RUBCNL: variants seen among roughly 807,000 people sequenced by gnomAD.
The protein encoded by RUBCNL is protein associated with UVRAG as autophagy enhancer.
Under a neutral mutation model 69.5 loss-of-function variants are expected in RUBCNL, and 62 were observed. The ratio of observed to expected loss-of-function variants is 0.89; its 90% CI spans 0.73 to 1.10. RUBCNL has a LOEUF of 1.10. Among genes scored for constraint, RUBCNL ranks in the 50% least tolerant of loss-of-function variants. RUBCNL has a pLI of 0.00. For missense variants in RUBCNL, 768 were observed against 798.1 expected (o/e 0.96, Z 0.45); for synonymous variants, 291 against 303.6 (o/e 0.96, Z 0.43).
At chr13:46,370,380 C>A (rs2048851669) in intron 3 of RUBCNL, among the ~76,000 whole-genome samples, 1 of 152,142 alleles carries the variant, frequency 6.6e-6, no homozygotes, top group Non-Finnish European at 1.5e-5. Context: ...AAAAGAAAAC[C>A]CTTTTGCCGC....
At position 46,337,160 on chromosome 13, in the gene RUBCNL, G is replaced by C. The variant is rs1360726824; in HGVS notation, c.*6225C>G. On this transcript the variant is annotated 3_prime_UTR_variant, in exon 15 of 15. Transcript: ENST00000429979. ...TTTTTCTTTTTTTGGGGGCAGGGAG[G>C]GGGGACCAAGTCTCACTCTGTTGTC... 1.3e-5 allele frequency among the ~76,000 whole-genome samples: 2 copies of C among 151,614 alleles called. No individual in the cohort carries two copies. The highest frequency in any genetic ancestry group is 2.9e-5 in the Non-Finnish European group (2 of 67,856).
intron 2 of RUBCNL, among the ~76,000 whole-genome samples, chr13:46,377,278 T>C (rs1301041985): frequency 6.6e-6 from 1 of 152,240 alleles, no homozygotes; most frequent in Non-Finnish European, 1.5e-5. Flanking sequence ...CATTTTGTTT[T>C]CTTTGAGACA....
rs754582286 is a variant in RUBCNL at position 46,372,124 on chromosome 13, G to A, written c.352C>T (p.His118Tyr). The change falls in exon 3 of 15, where the codon CAT becomes TAT. Residue 118 changes from histidine to tyrosine, a missense_variant. His to Tyr is a moderately conservative substitution (Grantham distance 83). Coordinates refer to ENST00000429979, the MANE Select transcript of RUBCNL (RefSeq NM_025113.5). The part of the protein sequence containing the change: ...TTDSVGSASP[H>Y]GSSEKSSSFS... ...CTGCTACTCTTTTCACTCGAGCCAT[G>A]GGGAGAAGCGCTGCCAACGGAGTCT... The A allele has an allele frequency of 4.1e-5, 66 of 1,613,974 alleles. 1 individual carries two copies. In the South Asian group the frequency reaches 5.4e-4, roughly 13 times the overall value.
intron 2 of RUBCNL, among the ~76,000 whole-genome samples, chr13:46,377,568 C>CA (rs1213100631): frequency 6.6e-6 from 1 of 152,160 alleles, no homozygotes; most frequent in Non-Finnish European, 1.5e-5. Context: ...TGGCTGATCC[C>CA]AGTGTTTTTT....
At position 46,337,715 on chromosome 13, in the gene RUBCNL, T is replaced by C. The variant is rs1594122360; in HGVS notation, c.*5670A>G. ...CCTGGACAACAGGTATCAGGACATC[T>C]TATGTTAGTCAGAGTAGGGTGGGTT... On this transcript the variant is annotated 3_prime_UTR_variant, in exon 15 of 15. Transcript: ENST00000429979. Among the ~76,000 whole-genome samples, 4 of 152,178 alleles carry C rather than the reference T, an allele frequency of 2.6e-5. No homozygotes were observed. The East Asian group carries it at 7.7e-4, about 29-fold the overall frequency.
intron 1 of RUBCNL, among the ~76,000 whole-genome samples, chr13:46,380,424 T>C (rs1428969777): frequency 1.3e-5 from 2 of 152,146 alleles, no homozygotes; most frequent in African/African-American, 4.8e-5. Flanking sequence ...GTCTCGCCAT[T>C]AGTAATTAGC....
At chr13:46,362,961 T>TATAG (rs1555253838) in intron 6 of RUBCNL, among the ~76,000 whole-genome samples, 154 bp downstream of exon 6, 2 of 125,570 alleles carry the variant, frequency 1.6e-5, no homozygotes, top group East Asian at 2.4e-4. Flanking sequence ...TATATATATA[T>TATAG]ATATATATAT....
At chr13:46,357,940 T>C (rs1251944639) in intron 9 of RUBCNL, among the ~76,000 whole-genome samples, 1 of 152,190 alleles carries the variant, frequency 6.6e-6, no homozygotes, top group East Asian at 1.9e-4. Context: ...CTGAGGGATT[T>C]TCTATTGAAC....
At chr13:46,380,656 T>C (rs1337200712) in intron 1 of RUBCNL, among the ~76,000 whole-genome samples, 3 of 152,196 alleles carry the variant, frequency 2.0e-5, no homozygotes, top group South Asian at 4.1e-4. Context: ...ATTTTATTAT[T>C]ATTCATACTT....
chr13:46,335,242 T>TTTTTTGTTGTTG lies in RUBCNL; in HGVS notation c.*8142_*8143insCAACAACAAAAA, dbSNP rs1555333093. Among the ~76,000 whole-genome samples, 47 of 142,096 alleles carry TTTTTTGTTGTTG rather than the reference T, an allele frequency of 3.3e-4. No individual in the cohort carries two copies. The highest frequency in any genetic ancestry group is 5.2e-4 in the Non-Finnish European group (35 of 66,740). The allele number at this position is 142,096 out of a possible 152,430, so 93.2% of individuals were successfully genotyped here. The stretch of plus-strand genomic sequence containing the variant: ...ATTGTGCCCAGCTAATTTGTGTCTT[T>TTTTTTGTTGTTG]TTGTTGTTGTTGTTGTTGTTTTTTT... On this transcript the variant is annotated 3_prime_UTR_variant, in exon 15 of 15. Coordinates refer to ENST00000429979, the MANE Select transcript of RUBCNL (RefSeq NM_025113.5).
Position 46,337,030 on chromosome 13 carries a change from T to C in RUBCNL, c.*6355A>G, listed in dbSNP as rs1286936565. Among the ~76,000 whole-genome samples the C allele has an allele frequency of 6.6e-6, 1 of 151,950 alleles. No homozygotes were observed. The highest frequency in any genetic ancestry group is 1.5e-5 in the Non-Finnish European group (1 of 67,990). The stretch of plus-strand genomic sequence containing the variant: ...CCCCAATTGTGACAGTATTAGGAGG[T>C]GGAGCCTTTAGGTGGTGATTAGGTC... On this transcript the variant is annotated 3_prime_UTR_variant, in exon 15 of 15. Transcript: ENST00000429979.
intron 10 of RUBCNL, among the ~76,000 whole-genome samples, chr13:46,351,646 C>T (rs770260188): frequency 6.6e-6 from 1 of 152,058 alleles, no homozygotes; most frequent in South Asian, 2.1e-4. Context: ...CCATAAAGTA[C>T]ACGGAAGAGC....
intron 2 of RUBCNL, among the ~76,000 whole-genome samples, chr13:46,375,700 A>G (rs1385545108): frequency 6.6e-6 from 1 of 152,220 alleles, no homozygotes; most frequent in East Asian, 1.9e-4. Flanking sequence ...TAAGGTACAT[A>G]TGAAAACTGT....
intron 5 of RUBCNL, among the ~76,000 whole-genome samples, chr13:46,363,918 T>TA (rs1160370906): frequency 6.7e-6 from 1 of 150,048 alleles, no homozygotes; most frequent in Non-Finnish European, 1.5e-5. Flanking sequence ...GTAGTATGAA[T>TA]AGTATTAATA....
At chr13:46,363,258 G>C (rs766158438) in intron 5 of RUBCNL, 45 bp from the exon 6 acceptor site, 7 of 1,120,200 alleles carry the variant, frequency 6.2e-6, no homozygotes, top group Non-Finnish European at 8.7e-6. Context: ...AGAAGAAAAA[G>C]AAAAACTGTA....
intron 10 of RUBCNL, among the ~76,000 whole-genome samples, chr13:46,353,795 T>C (rs191508503): frequency 7.8e-4 from 119 of 152,360 alleles, no homozygotes; most frequent in African/African-American, 2.7e-3. Flanking sequence ...GGGATAAAAG[T>C]GTTCTATATC....
chr13:46,351,261 C>A (rs1303019252), intron 10 of RUBCNL, among the ~76,000 whole-genome samples: 1 of 151,914 alleles, frequency 6.6e-6, no homozygotes, highest in African/African-American at 2.4e-5. Flanking sequence ...GACCCTGTCA[C>A]AAATTGATGA....
At chr13:46,386,509 G>A (rs1006376344) in intron 1 of RUBCNL, among the ~76,000 whole-genome samples, 3 of 151,868 alleles carry the variant, frequency 2.0e-5, no homozygotes, top group Non-Finnish European at 4.4e-5. Flanking sequence ...CAAGTTCGCA[G>A]GGGATCTGTA....
rs947562725 is a variant in RUBCNL at position 46,372,248 on chromosome 13, A to G, written c.228T>C (p.Ser76=). 1 of 1,613,898 alleles carries G rather than the reference A, an allele frequency of 6.2e-7. No individual in the cohort carries two copies. Among genetic ancestry groups the G allele is most frequent in the Non-Finnish European group, 8.5e-7 (1 of 1,179,890 alleles). The change falls in exon 3 of 15, where the codon AGT becomes AGC. Residue 76 remains serine (S), a synonymous_variant. Coordinates refer to ENST00000429979, the MANE Select transcript of RUBCNL (RefSeq NM_025113.5). The part of the protein sequence containing the change: ...LQSQVPAAGN[S]GTHFVTDAAS... ...CAGCATCTGTCACAAAATGGGTCCCACTGTTCCCTGCTGCTGGCACCTGAG... is the reference window on the plus strand; with the variant it reads ...CAGCATCTGTCACAAAATGGGTCCCGCTGTTCCCTGCTGCTGGCACCTGAG...
Sources: gnomAD v4.1 joint callset for allele counts (sites outside exome capture counted in the v4.1 genomes callset) on GRCh38, gnomAD v4.1.1 for gene constraint, MANE v1.5 for transcripts, NCBI Gene and HGNC (gene_info 2026-07-23, HGNC 2026-07-21) for gene names.